Variants in SMPD3 observed in about 807,000 individuals in gnomAD.
SMPD3 encodes sphingomyelin phosphodiesterase 3, also known as nSMase-2.
Under a neutral mutation model 55.7 loss-of-function variants are expected in SMPD3, and 21 were observed. That is an observed-to-expected ratio of 0.38 (90% CI 0.27 to 0.54). SMPD3 has a LOEUF of 0.54. Among genes scored for constraint, SMPD3 ranks in the 20% least tolerant of loss-of-function variants. The pLI is 0.80. For missense variants in SMPD3, 842 were observed against 899.6 expected, an observed-to-expected ratio of 0.94 and a Z score of 0.82; for synonymous variants, 457 against 404.3, an observed-to-expected ratio of 1.13 and a Z score of -1.56.
rs374897829 is a variant in SMPD3, at chr16:68,361,051, G to A, written c.*155C>T. The A allele has an allele frequency of 1.6e-5, 11 of 680,658 alleles. No individual in the cohort carries two copies. In the East Asian group the frequency reaches 1.9e-4, roughly 12 times the overall value. 42.2% of individuals were successfully genotyped at this position (680,658 alleles called of 1,614,324 possible). ...GTCCACAGTGAGGCCCAGAGGCGCAGAGCAGCGCAGCTTCCAGGTTCCCGG... is the reference window on the plus strand; with the variant it reads ...GTCCACAGTGAGGCCCAGAGGCGCAAAGCAGCGCAGCTTCCAGGTTCCCGG... On this transcript the variant is annotated 3_prime_UTR_variant, in exon 9 of 9. Transcript: ENST00000219334.
chr16:68,384,397 C>G (rs931595725), intron 2 of SMPD3, among the ~76,000 whole-genome samples: 3 of 152,214 alleles, frequency 2.0e-5, no homozygotes, highest in African/African-American at 7.2e-5. Context: ...CTCTTGATAG[C>G]TGAGTGTTTC....
chr16:68,394,132 T>G (rs1247639101), intron 1 of SMPD3, among the ~76,000 whole-genome samples: 1 of 152,204 alleles, frequency 6.6e-6, no homozygotes, highest in Non-Finnish European at 1.5e-5. Flanking sequence ...GCTGAGCTGT[T>G]TTTTCATTTC....
rs1319218167 is a variant in SMPD3, at chr16:68,427,755, G to GT, written c.-269+20597_-269+20598insA. ...GGGATGGGGAGTTAAAAATGACTGG[G>GT]GGGGGGTGCTGATGCATTGTGAGCA... On this transcript the variant is annotated intron_variant, in intron 1 of 8. Coordinates refer to ENST00000219334, the MANE Select transcript of SMPD3 (RefSeq NM_018667.4). Among the ~76,000 whole-genome samples the GT allele has an allele frequency of 3.9e-5, 6 of 151,906 alleles. No individual in the cohort carries two copies. The East Asian group carries it at 9.7e-4, about 25-fold the overall frequency.
intron 1 of SMPD3, among the ~76,000 whole-genome samples, chr16:68,426,249 G>A (rs907654510): frequency 3.3e-5 from 5 of 152,158 alleles, no homozygotes; most frequent in Non-Finnish European, 5.9e-5. Flanking sequence ...CAAGCCCCAC[G>A]GATGTCAGAC....
At chr16:68,414,395 C>T (rs1326999889) in intron 1 of SMPD3, among the ~76,000 whole-genome samples, 3 of 152,206 alleles carry the variant, frequency 2.0e-5, no homozygotes, top group Non-Finnish European at 2.9e-5. Context: ...AGGCTTGACC[C>T]GGGCTCAATT....
intron 6 of SMPD3, 82 bp from the exon 7 acceptor site, chr16:68,363,641 C>G: frequency 6.8e-7 from 1 of 1,467,642 alleles, no homozygotes. Flanking sequence ...TGGGTGGACA[C>G]GGGCTTCTGC....
At chr16:68,409,672 C>T (rs968518615) in intron 1 of SMPD3, among the ~76,000 whole-genome samples, 2 of 152,164 alleles carry the variant, frequency 1.3e-5, no homozygotes, top group Non-Finnish European at 2.9e-5. Flanking sequence ...CGGCTCTCTA[C>T]AAGCTCCGCC....
At chr16:68,383,618 G>A (rs1302000551) in intron 2 of SMPD3, among the ~76,000 whole-genome samples, 1 of 152,032 alleles carries the variant, frequency 6.6e-6, no homozygotes, top group Non-Finnish European at 1.5e-5. Context: ...CCCCTTCCCT[G>A]CCCACTTCCT....
At chr16:68,444,292 C>G (rs2090591992) in intron 1 of SMPD3, among the ~76,000 whole-genome samples, 1 of 152,156 alleles carries the variant, frequency 6.6e-6, no homozygotes, top group Non-Finnish European at 1.5e-5. Context: ...GCTGGCTGCC[C>G]CAGGGAGCAG....
At chr16:68,444,908 A>C (rs2152036673) in intron 1 of SMPD3, among the ~76,000 whole-genome samples, 2 of 152,374 alleles carry the variant, frequency 1.3e-5, no homozygotes, top group Non-Finnish European at 2.9e-5. Context: ...AGTTCAATGC[A>C]AATCACATGG....
intron 1 of SMPD3, among the ~76,000 whole-genome samples, chr16:68,398,966 G>A (rs2090183720): frequency 1.3e-5 from 2 of 152,074 alleles, no homozygotes; most frequent in Admixed American, 6.6e-5. Context: ...GGAGCTCTGG[G>A]GACTCACTAA....
intron 1 of SMPD3, among the ~76,000 whole-genome samples, chr16:68,398,427 T>C (rs535867534): frequency 2.0e-5 from 3 of 152,300 alleles, no homozygotes; most frequent in African/African-American, 7.2e-5. Flanking sequence ...CACACTATTT[T>C]TACCTTCCTG....
chr16:68,375,071 C>G (rs1567788862), intron 2 of SMPD3, among the ~76,000 whole-genome samples: 4 of 152,190 alleles, frequency 2.6e-5, no homozygotes. Context: ...GGTCACCAGC[C>G]CAGCCTGGCC....
intron 1 of SMPD3, among the ~76,000 whole-genome samples, chr16:68,440,208 GT>G (rs1227589474): frequency 6.6e-6 from 1 of 152,174 alleles, no homozygotes; most frequent in Non-Finnish European, 1.5e-5. Flanking sequence ...TTTTTTCATT[GT>G]TTTTTTGAGA....
intron 1 of SMPD3, among the ~76,000 whole-genome samples, chr16:68,445,517 G>A (rs776727635): frequency 9.2e-5 from 14 of 152,224 alleles, no homozygotes; most frequent in Admixed American, 2.0e-4. Context: ...ACACTCTGAA[G>A]GTAGGAGGGA....
At chr16:68,377,379 G>A (rs867375800) in intron 2 of SMPD3, among the ~76,000 whole-genome samples, 5 of 152,242 alleles carry the variant, frequency 3.3e-5, no homozygotes, top group Non-Finnish European at 5.9e-5. Context: ...AGCCCCAGCC[G>A]CTCCTGGTGG....
rs1206205307 is a variant in SMPD3 at position 68,447,177 on chromosome 16, G to A, written c.-269+1176C>T. Reference sequence around the variant, plus strand: ...GTCCTCTCGAGGATGCCTGGGCCGAGCGCGAAAGCCCCATGCCTTGGAACA... The same window carrying A: ...GTCCTCTCGAGGATGCCTGGGCCGAACGCGAAAGCCCCATGCCTTGGAACA... On this transcript the variant is annotated intron_variant, in intron 1 of 8. Coordinates refer to ENST00000219334, the MANE Select transcript of SMPD3 (RefSeq NM_018667.4). This position sits in a 1 kb window ranked among gnomAD's most constrained non-coding sequence, Gnocchi z 5.1. Among the ~76,000 whole-genome samples, 1 of 152,172 alleles carries A rather than the reference G, an allele frequency of 6.6e-6. No individual in the cohort carries two copies. Among genetic ancestry groups the A allele is most frequent in the African/African-American group, 2.4e-5 (1 of 41,450 alleles).
Position 68,370,738 on chromosome 16 carries a change from C to T in SMPD3, c.1323+121G>A, listed in dbSNP as rs555873303. ...GCTCCAGGAAAGACCGCGTCTGCCT[C>T]CCACTCCAACCTCCCACTCCAGCCC... On this transcript the variant is annotated intron_variant, in intron 3 of 8. Coordinates refer to ENST00000219334, the MANE Select transcript of SMPD3 (RefSeq NM_018667.4). 6.1e-5 allele frequency: 81 copies of T among 1,333,072 alleles called. No homozygotes were observed. The South Asian group carries it at 1.1e-3, about 19-fold the overall frequency. The allele number at this position is 1,333,072 out of a possible 1,614,324, so 82.6% of individuals were successfully genotyped here. A position where few individuals can be genotyped will look rare whatever the true frequency, so the allele number is the denominator to read the frequency against.
At chr16:68,429,339 T>C (rs2090462160) in intron 1 of SMPD3, among the ~76,000 whole-genome samples, 1 of 152,214 alleles carries the variant, frequency 6.6e-6, no homozygotes, top group Admixed American at 6.5e-5. Context: ...TAGTGCTCTG[T>C]GCTTGAGAAG....
Sources: allele counts gnomAD v4.1 joint callset (sites outside exome capture counted in the v4.1 genomes callset), GRCh38; gene constraint gnomAD v4.1.1; non-coding constraint Gnocchi (gnomAD v3.1); transcripts MANE v1.5; gene names NCBI Gene and HGNC (gene_info 2026-07-23, HGNC 2026-07-21).